The following JARID2 variants were observed in gnomAD, a reference collection of about 807,000 sequenced individuals.
The protein encoded by JARID2 is jumonji and AT-rich interaction domain containing 2, also known as protein Jumonji.
In JARID2, 21 loss-of-function variants were observed where a neutral mutation model predicts 125.6. That is an observed-to-expected ratio of 0.17 (90% CI 0.12 to 0.24). JARID2 has a LOEUF of 0.24. Among genes scored for constraint, JARID2 ranks in the 10% least tolerant of loss-of-function variants. The probability of loss-of-function intolerance (pLI) is 1.00; values close to 1 mark genes in which losing one functional copy is unlikely to be tolerated. For missense variants in JARID2, 1,303 were observed against 1,639.6 expected (o/e 0.79, Z 3.55); for synonymous variants, 736 against 661.6 (o/e 1.11, Z -1.73).
intron 1 of JARID2, among the ~76,000 whole-genome samples, chr6:15,292,709 C>T (rs576698700): frequency 6.6e-6 from 1 of 152,140 alleles, no homozygotes; most frequent in Non-Finnish European, 1.5e-5. Context: ...CTCTTGTCAC[C>T]CAGGCTGGAA....
intron 1 of JARID2, among the ~76,000 whole-genome samples, chr6:15,319,079 A>C (rs1047902684): frequency 1.2e-4 from 19 of 152,240 alleles, no homozygotes; most frequent in African/African-American, 4.1e-4. Context: ...TTACATAGAA[A>C]GTAAGTAGGG....
At position 15,501,358 on chromosome 6, in the gene JARID2, AGAG is replaced by A. The variant is rs760442251; in HGVS notation, c.2406_2408del (p.Glu802del). The A allele has an allele frequency of 3.1e-5, 49 of 1,592,372 alleles. No individual in the cohort carries two copies. The highest frequency in any genetic ancestry group is 4.0e-5 in the Non-Finnish European group (47 of 1,167,892). Reference sequence around the variant, plus strand: ...CTCAGGAAAAAGAAGTGGTCAAGGAAGAGGAGGAGGACAAAGGCGTCCTCAATG... The same window carrying A: ...CTCAGGAAAAAGAAGTGGTCAAGGAAGAGGAGGACAAAGGCGTCCTCAATG... On this transcript the variant is annotated inframe_deletion, in exon 8 of 18. Transcript: ENST00000341776.
intron 1 of JARID2, among the ~76,000 whole-genome samples, chr6:15,366,706 G>A (rs1763992236): frequency 6.6e-6 from 1 of 152,134 alleles, no homozygotes; most frequent in Admixed American, 6.6e-5. Context: ...AGGTACTAGG[G>A]GTTGTGAAGA....
intron 1 of JARID2, among the ~76,000 whole-genome samples, chr6:15,326,402 A>G (rs964476319): frequency 1.3e-5 from 2 of 152,306 alleles, no homozygotes; most frequent in South Asian, 2.1e-4. Flanking sequence ...GGGTCTCACT[A>G]TGTTGCTCAG....
intron 1 of JARID2, among the ~76,000 whole-genome samples, chr6:15,265,457 A>C (rs529648820): frequency 1.3e-4 from 19 of 152,000 alleles, no homozygotes; most frequent in Middle Eastern, 6.8e-3. Context: ...TCCCAGCCCC[A>C]AATAGGTATA....
At chr6:15,394,838 G>T (rs1341324392) in intron 2 of JARID2, among the ~76,000 whole-genome samples, 1 of 152,074 alleles carries the variant, frequency 6.6e-6, no homozygotes, top group Non-Finnish European at 1.5e-5. Flanking sequence ...ACACATGCAG[G>T]ACTCAACCCA....
chr6:15,256,880 C>T (rs1040835174), intron 1 of JARID2, among the ~76,000 whole-genome samples: 1 of 152,204 alleles, frequency 6.6e-6, no homozygotes, highest in African/African-American at 2.4e-5. Context: ...AGTATACATT[C>T]TAGGAATATT....
intron 1 of JARID2, among the ~76,000 whole-genome samples, chr6:15,300,214 T>C (rs1761555743): frequency 6.6e-6 from 1 of 152,234 alleles, no homozygotes; most frequent in Admixed American, 6.5e-5. Flanking sequence ...TGTTCTGTCC[T>C]GTTTTTAATT....
intron 2 of JARID2, among the ~76,000 whole-genome samples, chr6:15,400,661 A>G (rs1315162197): frequency 2.1e-5 from 1 of 48,166 alleles, no homozygotes; most frequent in Non-Finnish European, 4.1e-5. Context: ...CCTTTTTCTC[A>G]TTTTAATTTA....
chr6:15,363,454 A>G (rs751432678), intron 1 of JARID2, among the ~76,000 whole-genome samples: 2 of 152,160 alleles, frequency 1.3e-5, no homozygotes, highest in Non-Finnish European at 2.9e-5. Flanking sequence ...AGATTCACAG[A>G]ATTCCAGAAT....
At chr6:15,480,246 GTCT>G (rs1331343479) in intron 5 of JARID2, among the ~76,000 whole-genome samples, 2 of 152,132 alleles carry the variant, frequency 1.3e-5, no homozygotes, top group Non-Finnish European at 2.9e-5. Context: ...CATCTTCAGG[GTCT>G]TCTTTTCCTT....
At chr6:15,428,575 C>T (rs1205233821) in intron 3 of JARID2, among the ~76,000 whole-genome samples, 1 of 152,094 alleles carries the variant, frequency 6.6e-6, no homozygotes, top group Non-Finnish European at 1.5e-5. Context: ...CCAGCTTCAT[C>T]CATGTCCCTA....
chr6:15,319,584 T>G (rs1762285713), intron 1 of JARID2, among the ~76,000 whole-genome samples: 1 of 152,138 alleles, frequency 6.6e-6, no homozygotes, highest in African/African-American at 2.4e-5. Context: ...GTATGTGTTT[T>G]TAGTAGAGAC....
chr6:15,503,549 T>A (rs746167480), intron 8 of JARID2, among the ~76,000 whole-genome samples: 1 of 152,128 alleles, frequency 6.6e-6, no homozygotes, highest in Non-Finnish European at 1.5e-5. Context: ...CCACTCTACA[T>A]GACACCTGGC....
intron 5 of JARID2, among the ~76,000 whole-genome samples, chr6:15,470,862 C>T (rs1431227019): frequency 6.6e-6 from 1 of 152,158 alleles, no homozygotes; most frequent in Non-Finnish European, 1.5e-5. Flanking sequence ...GCCTGTTGTT[C>T]CACCAGTGTG....
At chr6:15,459,752 C>CT (rs1212572839) in intron 4 of JARID2, among the ~76,000 whole-genome samples, 1 of 152,144 alleles carries the variant, frequency 6.6e-6, no homozygotes, top group Non-Finnish European at 1.5e-5. Context: ...TGGTCCTAGC[C>CT]TTGAGTATTG....
intron 1 of JARID2, among the ~76,000 whole-genome samples, chr6:15,347,853 A>G (rs769421718): frequency 3.3e-5 from 5 of 151,974 alleles, no homozygotes; most frequent in African/African-American, 4.8e-5. Context: ...AATAGCCTCT[A>G]CCTTCCTGCC....
At chr6:15,486,692 C>G (rs1418209129) in intron 5 of JARID2, among the ~76,000 whole-genome samples, 1 of 152,170 alleles carries the variant, frequency 6.6e-6, no homozygotes, top group African/African-American at 2.4e-5. Context: ...TCCATCATCC[C>G]TTTCTTCATC....
intron 1 of JARID2, among the ~76,000 whole-genome samples, chr6:15,281,924 C>CTGTGTGTGTGTGTGTG (rs3138771): frequency 2.7e-4 from 39 of 146,260 alleles, no homozygotes; most frequent in African/African-American, 9.6e-4. Context: ...GGTATGTGCT[C>CTGTGTGTGTGTGTGTG]TGTGTGTGTG....
Sources: gnomAD v4.1 joint callset for allele counts (sites outside exome capture counted in the v4.1 genomes callset) on GRCh38, gnomAD v4.1.1 for gene constraint, MANE v1.5 for transcripts, NCBI Gene and HGNC (gene_info 2026-07-23, HGNC 2026-07-21) for gene names.